Variants in KANK1 observed in about 807,000 individuals in gnomAD.
KANK1 encodes KN motif and ankyrin repeat domains 1.
A neutral mutation model predicts 106.2 loss-of-function variants in KANK1; 109 were observed. The observed-to-expected ratio is 1.03, with a 90% CI of 0.88 to 1.20. KANK1 has a LOEUF of 1.20. Among genes scored for constraint, KANK1 ranks in the 50% most tolerant of loss-of-function variants. The pLI, the probability that KANK1 is intolerant of heterozygous loss-of-function variation, is 0.00. For missense variants in KANK1, 2,399 were observed against 1,710.7 expected (o/e 1.40, Z -7.10); for synonymous variants, 873 against 652.2 (o/e 1.34, Z -5.16).
intron 3 of KANK1, among the ~76,000 whole-genome samples, chr9:497,940 G>A (rs1230559121): frequency 1.3e-5 from 2 of 152,108 alleles, no homozygotes; most frequent in Non-Finnish European, 2.9e-5. Flanking sequence ...CCGTCCCAAA[G>A]GTCTGGTATG....
chr9:633,532 C>T (rs1016596568), intron 1 of KANK1, among the ~76,000 whole-genome samples: 5 of 152,202 alleles, frequency 3.3e-5, no homozygotes, highest in Non-Finnish European at 5.9e-5. Flanking sequence ...GCTACCCCTT[C>T]TCCCAAGACT....
chr9:643,045 CAT>C (rs1266948558), intron 1 of KANK1, among the ~76,000 whole-genome samples: 2 of 150,648 alleles, frequency 1.3e-5, no homozygotes, highest in Admixed American at 1.3e-4. Context: ...TATTTGGAAA[CAT>C]ATAAAAATAG....
chr9:618,662 G>A (rs1236801054), intron 1 of KANK1, among the ~76,000 whole-genome samples: 6 of 152,128 alleles, frequency 3.9e-5, no homozygotes, highest in Non-Finnish European at 2.9e-5. Flanking sequence ...GTAGACATTC[G>A]TGAAATTATT....
At chr9:480,785 C>G (rs149642163) in intron 3 of KANK1, among the ~76,000 whole-genome samples, 1 of 152,174 alleles carries the variant, frequency 6.6e-6, no homozygotes, top group African/African-American at 2.4e-5. Context: ...AGCTGAAGAT[C>G]TGCAGATTAG....
intron 1 of KANK1, among the ~76,000 whole-genome samples, chr9:661,582 C>T (rs1407037993): frequency 6.6e-6 from 1 of 151,850 alleles, no homozygotes; most frequent in Non-Finnish European, 1.5e-5. Flanking sequence ...CCGCAATAAA[C>T]ATACATATGC....
chr9:729,014 G>A (rs930900910), intron 3 of KANK1, among the ~76,000 whole-genome samples: 2 of 152,204 alleles, frequency 1.3e-5, no homozygotes, highest in South Asian at 2.1e-4. Context: ...TCAGGACCTC[G>A]TGAGATTGTG....
At chr9:699,937 G>A (rs962134966) in intron 2 of KANK1, among the ~76,000 whole-genome samples, 10 of 152,092 alleles carry the variant, frequency 6.6e-5, no homozygotes, top group Non-Finnish European at 1.5e-4. Context: ...AGCTGTGATC[G>A]TGCCGCTACA....
At chr9:586,296 C>T (rs1014814143) in intron 1 of KANK1, among the ~76,000 whole-genome samples, 1 of 152,162 alleles carries the variant, frequency 6.6e-6, no homozygotes, top group Non-Finnish European at 1.5e-5. Context: ...AGGGGATGGG[C>T]CCAGGCCTAT....
intron 1 of KANK1, among the ~76,000 whole-genome samples, chr9:568,371 A>G (rs991621582): frequency 2.6e-5 from 4 of 152,226 alleles, no homozygotes; most frequent in Non-Finnish European, 4.4e-5. Context: ...ATGTATCATA[A>G]TTTAACAAAT....
chr9:521,882 G>A (rs1160426620), intron 1 of KANK1, among the ~76,000 whole-genome samples: 2 of 151,562 alleles, frequency 1.3e-5, no homozygotes, highest in African/African-American at 2.4e-5. Flanking sequence ...TTCTTTTATT[G>A]AATGAACGTC....
In KANK1 at chr9:535,099, T is replaced by C. The variant is rs558227440; in HGVS notation, c.-84+30345T>C. Among the ~76,000 whole-genome samples the C allele has an allele frequency of 3.3e-5, 5 of 152,328 alleles. No homozygotes were observed. In the East Asian group the frequency reaches 9.7e-4, roughly 29 times the overall value. ...AGAGTGGCACAGTAACTCTGCCCAG[T>C]GTTCTCAGACTGCAGTGGGCAAGTT... On this transcript the variant is annotated intron_variant, in intron 1 of 11. Transcript: ENST00000382297.
intron 1 of KANK1, among the ~76,000 whole-genome samples, chr9:593,899 G>T (rs2642000): frequency 0.35 from 53,361 of 151,762 alleles, 12,219 homozygotes; most frequent in South Asian, 0.56. Context: ...TTGTAACCTT[G>T]TCTCTTATTT....
intron 3 of KANK1, among the ~76,000 whole-genome samples, chr9:726,491 T>TA (rs1358872955): frequency 6.6e-6 from 1 of 151,726 alleles, no homozygotes; most frequent in Non-Finnish European, 1.5e-5. Flanking sequence ...ATACAAAAAT[T>TA]AGCTAGGCAT....
chr9:517,038 G>GT (rs1056034049), intron 1 of KANK1, among the ~76,000 whole-genome samples: 1 of 110,752 alleles, frequency 9.0e-6, no homozygotes, highest in Non-Finnish European at 1.7e-5. Flanking sequence ...TCCGTCTTGT[G>GT]TTTTTTGGTG....
intron 1 of KANK1, among the ~76,000 whole-genome samples, chr9:643,543 ATTTTTTTT>A (rs774468238): frequency 9.8e-6 from 1 of 102,464 alleles, no homozygotes; most frequent in Non-Finnish European, 1.9e-5. Flanking sequence ...TTTCTTTTTG[ATTTTTTTT>A]TTTTTTTTTT....
chr9:570,785 TAA>T (rs766748336), intron 1 of KANK1, among the ~76,000 whole-genome samples: 20 of 152,240 alleles, frequency 1.3e-4, no homozygotes, highest in Non-Finnish European at 2.8e-4. Flanking sequence ...GTGAATTTAG[TAA>T]AGTCATTTAA....
rs891972011 is a variant in KANK1 at position 645,659 on chromosome 9, A to C, written c.-83-31231A>C. Among the ~76,000 whole-genome samples, 10 of 150,264 alleles carry C rather than the reference A, an allele frequency of 6.7e-5. 1 individual carries two copies. Among genetic ancestry groups the C allele is most frequent in the African/African-American group, 2.5e-4 (10 of 39,780 alleles). On this transcript the variant is annotated intron_variant, in intron 1 of 11. Transcript: ENST00000382297. ...CACTTTGTGAGGCCAAGGTGGGCGGATCACCTGAGATCAGGAGTTCGAAAC... is the reference window on the plus strand; with the variant it reads ...CACTTTGTGAGGCCAAGGTGGGCGGCTCACCTGAGATCAGGAGTTCGAAAC...
At chr9:485,638 C>T (rs189696239) in intron 3 of KANK1, among the ~76,000 whole-genome samples, 4 of 152,150 alleles carry the variant, frequency 2.6e-5, no homozygotes, top group East Asian at 1.9e-4. Flanking sequence ...TTTGAGAGGC[C>T]GAGGCGGGCA....
In KANK1 at chr9:596,550, C is replaced by T. The variant is rs537745794; in HGVS notation, c.-83-80340C>T. ...CCTGGTTTTGAGTAGGTTTCCTTTT[C>T]CCCTGGCAATAGCTCTTAGAGTGTT... On this transcript the variant is annotated intron_variant, in intron 1 of 11. Transcript: ENST00000382297. Among the ~76,000 whole-genome samples the T allele has an allele frequency of 1.5e-4, 23 of 151,706 alleles. No individual in the cohort carries two copies. In the South Asian group the frequency reaches 3.5e-3, roughly 23 times the overall value.
Sources: gnomAD v4.1 joint callset for allele counts (sites outside exome capture counted in the v4.1 genomes callset) on GRCh38, gnomAD v4.1.1 for gene constraint, MANE v1.5 for transcripts, NCBI Gene and HGNC (gene_info 2026-07-23, HGNC 2026-07-21) for gene names.